PLPPR1: variants seen among roughly 807,000 people sequenced by gnomAD.
PLPPR1 encodes phospholipid phosphatase-related protein type 1.
In PLPPR1, 10 loss-of-function variants were observed where a neutral mutation model predicts 33.1. The ratio of observed to expected loss-of-function variants is 0.30; its 90% CI spans 0.19 to 0.51. PLPPR1 has a LOEUF of 0.51. PLPPR1 is among the 20% of genes least tolerant of loss of function. The probability of loss-of-function intolerance (pLI) is 0.97; values close to 1 mark genes in which losing one functional copy is unlikely to be tolerated. For missense variants in PLPPR1, 304 were observed against 408.1 expected, an observed-to-expected ratio of 0.74 and a Z score of 2.20; for synonymous variants, 151 against 151.0, an observed-to-expected ratio of 1.00 and a Z score of 0.00.
At chr9:101,270,553 T>G (rs1436558651) in intron 3 of PLPPR1, among the ~76,000 whole-genome samples, 1 of 152,214 alleles carries the variant, frequency 6.6e-6, no homozygotes, top group Non-Finnish European at 1.5e-5. Context: ...ACCTGAAGTT[T>G]GCTGTGATTC....
intron 1 of PLPPR1, among the ~76,000 whole-genome samples, chr9:101,099,431 G>A (rs1000085773): frequency 6.6e-6 from 1 of 151,878 alleles, no homozygotes; most frequent in Non-Finnish European, 1.5e-5. Context: ...AATTAATTGT[G>A]GTGGGAAAAA....
chr9:101,120,185 A>C (rs1390143413), intron 1 of PLPPR1, among the ~76,000 whole-genome samples: 1 of 152,238 alleles, frequency 6.6e-6, no homozygotes, highest in Admixed American at 6.5e-5. Context: ...TATGAGAAAG[A>C]GACAGAAATC....
At chr9:101,212,431 C>T in intron 2 of PLPPR1, among the ~76,000 whole-genome samples, 1 of 152,126 alleles carries the variant, frequency 6.6e-6, no homozygotes, top group Non-Finnish European at 1.5e-5. Flanking sequence ...GATGCCTTCT[C>T]TTCCCTAAAA....
chr9:101,134,243 A>T (rs1274701860), intron 1 of PLPPR1, among the ~76,000 whole-genome samples: 3 of 152,232 alleles, frequency 2.0e-5, no homozygotes, highest in Non-Finnish European at 4.4e-5. Context: ...ACTGCTTAAG[A>T]ATTATAGAAA....
chr9:101,132,998 C>A (rs1412919422), intron 1 of PLPPR1, among the ~76,000 whole-genome samples: 1 of 152,154 alleles, frequency 6.6e-6, no homozygotes, highest in Non-Finnish European at 1.5e-5. Flanking sequence ...TTCAATCATG[C>A]TACAAAGCTG....
Position 101,029,082 on chromosome 9 carries a change from G to A in PLPPR1, c.-66G>A, listed in dbSNP as rs1317706322. On this transcript the variant is annotated 5_prime_UTR_variant, in exon 1 of 8. Coordinates refer to ENST00000374874, the MANE Select transcript of PLPPR1 (RefSeq NM_207299.2). ...CCGGACGGCCCAGTAGGGCGCACTG[G>A]AGGACGCTCCGCTGCGGGAGGTGAG... The A allele has an allele frequency of 1.3e-5, 2 of 152,780 alleles. No individual in the cohort carries two copies. The highest frequency in any genetic ancestry group is 2.9e-5 in the Non-Finnish European group (2 of 68,288). 9.5% of individuals were successfully genotyped at this position (152,780 alleles called of 1,614,324 possible).
chr9:101,072,920 T>C (rs928285987), intron 1 of PLPPR1, among the ~76,000 whole-genome samples: 1 of 152,198 alleles, frequency 6.6e-6, no homozygotes, highest in African/African-American at 2.4e-5. Context: ...CCATTCATGG[T>C]TGCTATTCAT....
Position 101,274,153 on chromosome 9 carries a change from C to T in PLPPR1, c.252+4085C>T, listed in dbSNP as rs1252800763. On this transcript the variant is annotated intron_variant, in intron 3 of 7. Coordinates refer to ENST00000374874, the MANE Select transcript of PLPPR1 (RefSeq NM_207299.2). ...TACTCTAGTTCTCGATTATGAAACCCCGATTCAGCTTTTTCATTCCTTTGA... is the reference window on the plus strand; with the variant it reads ...TACTCTAGTTCTCGATTATGAAACCTCGATTCAGCTTTTTCATTCCTTTGA... 4.6e-5 allele frequency among the ~76,000 whole-genome samples: 7 copies of T among 152,294 alleles called. 1 individual carries two copies. The South Asian group carries it at 1.2e-3, about 27-fold the overall frequency.
At chr9:101,289,108 A>G (rs1828447955) in intron 4 of PLPPR1, among the ~76,000 whole-genome samples, 1 of 152,122 alleles carries the variant, frequency 6.6e-6, no homozygotes, top group Non-Finnish European at 1.5e-5. Context: ...ATGGCCTCCA[A>G]AGGAAAGTGT....
chr9:101,294,570 C>A (rs1210723893), intron 4 of PLPPR1, among the ~76,000 whole-genome samples: 1 of 151,140 alleles, frequency 6.6e-6, no homozygotes. Context: ...ACTGGCAAAC[C>A]GAATCCAGCA....
Position 101,117,146 on chromosome 9 carries a change from T to C in PLPPR1, c.-45-68304T>C, listed in dbSNP as rs1392334870. Among the ~76,000 whole-genome samples, 3 of 152,146 alleles carry C rather than the reference T, an allele frequency of 2.0e-5. No homozygotes were observed. In the East Asian group the frequency reaches 5.8e-4, roughly 29 times the overall value. On this transcript the variant is annotated intron_variant, in intron 1 of 7. Coordinates refer to ENST00000374874, the MANE Select transcript of PLPPR1 (RefSeq NM_207299.2). ...CTTTTAAACCAGAGTGACTTTATCA[T>C]GTATAGAGGCTGGGTAAAATGAGGC...
chr9:101,190,167 G>C (rs1826271493), intron 2 of PLPPR1, among the ~76,000 whole-genome samples: 1 of 152,116 alleles, frequency 6.6e-6, no homozygotes, highest in South Asian at 2.1e-4. Flanking sequence ...TATACCAACA[G>C]GTGGATTATA....
intron 2 of PLPPR1, among the ~76,000 whole-genome samples, chr9:101,192,351 A>T (rs902758049): frequency 2.0e-5 from 3 of 152,240 alleles, no homozygotes; most frequent in African/African-American, 4.8e-5. Context: ...TTATTAAAGT[A>T]TCATAATTTT....
intron 2 of PLPPR1, among the ~76,000 whole-genome samples, chr9:101,188,537 T>C (rs532724120): frequency 2.0e-5 from 3 of 152,178 alleles, no homozygotes; most frequent in South Asian, 4.1e-4. Context: ...CCCTGTAACG[T>C]TGGATAGAGG....
chr9:101,131,586 C>T (rs1564153439), intron 1 of PLPPR1: 3 of 152,192 alleles, frequency 2.0e-5, no homozygotes, highest in Non-Finnish European at 2.9e-5. Flanking sequence ...CCCACTTGGT[C>T]AGCTCAGTGA....
chr9:101,099,353 G>C (rs1323351644), intron 1 of PLPPR1, among the ~76,000 whole-genome samples: 1 of 152,076 alleles, frequency 6.6e-6, no homozygotes, highest in Non-Finnish European at 1.5e-5. Flanking sequence ...AAATATTCAT[G>C]TCCTAAATAT....
At chr9:101,059,594 A>G (rs1830319027) in intron 1 of PLPPR1, among the ~76,000 whole-genome samples, 2 of 152,144 alleles carry the variant, frequency 1.3e-5, no homozygotes, top group Non-Finnish European at 2.9e-5. Flanking sequence ...TCCAAAATAT[A>G]TAAGGAACTC....
At chr9:101,152,740 T>A (rs953215935) in intron 1 of PLPPR1, among the ~76,000 whole-genome samples, 1 of 152,172 alleles carries the variant, frequency 6.6e-6, no homozygotes, top group African/African-American at 2.4e-5. Context: ...AGGGCTCTGT[T>A]CTGTTCCATT....
rs869205435 is a variant in PLPPR1 at position 101,223,148 on chromosome 9, C to CAA, written c.63+37614_63+37615dup. 2.1e-3 allele frequency among the ~76,000 whole-genome samples: 49 copies of CAA among 23,606 alleles called. 1 individual carries two copies. Among genetic ancestry groups the CAA allele is most frequent in the African/African-American group, 4.1e-3 (29 of 7,008 alleles). The allele number at this position is 23,606 out of a possible 152,430, so 15.5% of individuals were successfully genotyped here. On this transcript the variant is annotated intron_variant, in intron 2 of 7. Coordinates refer to ENST00000374874, the MANE Select transcript of PLPPR1 (RefSeq NM_207299.2). ...GGCAACAAAGTGAGACCCATCTCTACAAAAAAAAAAAAAAAAAAAAAAAAG... is the reference window on the plus strand; with the variant it reads ...GGCAACAAAGTGAGACCCATCTCTACAAAAAAAAAAAAAAAAAAAAAAAAAAG...
Sources: gnomAD v4.1 joint callset for allele counts (sites outside exome capture counted in the v4.1 genomes callset) on GRCh38, gnomAD v4.1.1 for gene constraint, MANE v1.5 for transcripts, NCBI Gene and HGNC (gene_info 2026-07-23, HGNC 2026-07-21) for gene names.